Variants in GMCL1 observed in about 807,000 individuals in gnomAD.
The protein encoded by GMCL1 is germ cell-less protein-like 1.
A neutral mutation model predicts 75.5 loss-of-function variants in GMCL1; 54 were observed. The ratio of observed to expected loss-of-function variants is 0.71; its 90% CI spans 0.57 to 0.90. GMCL1 has a LOEUF of 0.90. Among genes scored for constraint, GMCL1 ranks in the 40% least tolerant of loss-of-function variants. GMCL1 has a pLI of 0.00. For missense variants in GMCL1, 537 were observed against 622.7 expected, an observed-to-expected ratio of 0.86 and a Z score of 1.47; for synonymous variants, 210 against 209.6, an observed-to-expected ratio of 1.00 and a Z score of -0.02.
At chr2:69,831,576 G>A (rs750213687) in intron 1 of GMCL1, among the ~76,000 whole-genome samples, 1 of 151,830 alleles carries the variant, frequency 6.6e-6, no homozygotes, top group East Asian at 1.9e-4. Flanking sequence ...TTTTTGAAGC[G>A]TCAGTGTAGC....
At chr2:69,859,491 A>C (rs1675577236) in intron 9 of GMCL1, among the ~76,000 whole-genome samples, 1 of 151,862 alleles carries the variant, frequency 6.6e-6, no homozygotes, top group Non-Finnish European at 1.5e-5. Context: ...AAAGATTCAA[A>C]AGTGTATTTA....
chr2:69,852,332 G>A (rs1328437505), intron 8 of GMCL1, among the ~76,000 whole-genome samples: 1 of 152,152 alleles, frequency 6.6e-6, no homozygotes, highest in Admixed American at 6.6e-5. Flanking sequence ...CAGCCCCTGA[G>A]GTGTGAAAGT....
intron 9 of GMCL1, among the ~76,000 whole-genome samples, chr2:69,858,975 G>A (rs890355549): frequency 1.3e-5 from 2 of 151,624 alleles, no homozygotes; most frequent in African/African-American, 2.4e-5. Context: ...GTGAAACTCC[G>A]TCTCTACTAA....
chr2:69,871,709 T>C (rs1359324825), intron 12 of GMCL1, 36 bp from the exon 13 acceptor site: 1 of 1,138,864 alleles, frequency 8.8e-7, no homozygotes, highest in South Asian at 1.4e-5. Flanking sequence ...GGTTTAAAAA[T>C]CTTGTGTTTA....
chr2:69,844,896 G>T, intron 6 of GMCL1: 1 of 334,084 alleles, frequency 3.0e-6, no homozygotes, highest in Non-Finnish European at 6.5e-6. Context: ...AGAGAAGTCT[G>T]TGGCCATGTC....
At chr2:69,871,915 T>C (rs1675993763) in intron 13 of GMCL1, 83 bp downstream of exon 13, 1 of 876,598 alleles carries the variant, frequency 1.1e-6, no homozygotes, top group African/African-American at 1.7e-5. Context: ...AGAATTAACA[T>C]TAAAGTGATG....
chr2:69,858,481 C>CAAACTCTTCCTAGTGTTTCTT (rs1305807711), intron 9 of GMCL1, among the ~76,000 whole-genome samples: 3 of 152,218 alleles, frequency 2.0e-5, no homozygotes, highest in African/African-American at 7.2e-5. Flanking sequence ...AGGGTTCTGG[C>CAAACTCTTCCTAGTGTTTCTT]AAACTCTTCC....
At chr2:69,874,792 A>G (rs1676078472) in intron 13 of GMCL1, among the ~76,000 whole-genome samples, 1 of 148,842 alleles carries the variant, frequency 6.7e-6, no homozygotes, top group Non-Finnish European at 1.5e-5. Context: ...CTCAGGCTGG[A>G]GTGCAATGGT....
chr2:69,831,171 A>G (rs1300148533), intron 1 of GMCL1, among the ~76,000 whole-genome samples: 2 of 152,154 alleles, frequency 1.3e-5, no homozygotes, highest in Non-Finnish European at 2.9e-5. Context: ...TGCTGGCCTC[A>G]GCCTCCCAAA....
At chr2:69,861,502 ATCAG>A (rs1675646918) in intron 10 of GMCL1, among the ~76,000 whole-genome samples, 155 bp downstream of exon 10, 1 of 152,222 alleles carries the variant, frequency 6.6e-6, no homozygotes, top group Non-Finnish European at 1.5e-5. Context: ...TTGCAACATT[ATCAG>A]TCTTATAAAT....
rs1035155972 is a variant in GMCL1 at position 69,844,373 on chromosome 2, G to T, written c.758+177G>T. The T allele has an allele frequency of 1.6e-5, 7 of 443,598 alleles. No individual in the cohort carries two copies. In the Admixed American group the frequency reaches 2.5e-4, roughly 16 times the overall value. The allele number at this position is 443,598 out of a possible 1,614,324, so 27.5% of individuals were successfully genotyped here. A position where few individuals can be genotyped will look rare whatever the true frequency, so the allele number is the denominator to read the frequency against. ...AAATGCTGTGCAAACTTATTTCTTT[G>T]TTGTGAATAATATAATGGATATTAT... On this transcript the variant is annotated intron_variant, in intron 6 of 13. Coordinates refer to ENST00000282570, the MANE Select transcript of GMCL1 (RefSeq NM_178439.5).
chr2:69,831,505 A>G (rs1034870105), intron 1 of GMCL1, among the ~76,000 whole-genome samples: 2 of 151,996 alleles, frequency 1.3e-5, no homozygotes, highest in African/African-American at 4.8e-5. Flanking sequence ...CGATCCTCCC[A>G]CCTAAGCCTC....
At chr2:69,861,472 A>G in intron 10 of GMCL1, 125 bp downstream of exon 10, 2 of 557,436 alleles carry the variant, frequency 3.6e-6, no homozygotes, top group Non-Finnish European at 6.4e-6. Context: ...AAGATCATAT[A>G]ATCACTTTTT....
rs70954364 is a variant in GMCL1 at position 69,854,120 on chromosome 2, GTATTATTATTATTAT to G, written c.935-687_935-673del. The stretch of plus-strand genomic sequence containing the variant: ...GCCCAGCCAAATTATTCTATTTTCA[GTATTATTATTATTAT>G]TATTATTATTATTATCATTATTACT... On this transcript the variant is annotated intron_variant, in intron 8 of 13. Coordinates refer to ENST00000282570, the MANE Select transcript of GMCL1 (RefSeq NM_178439.5). 5.1e-3 allele frequency among the ~76,000 whole-genome samples: 732 copies of G among 143,994 alleles called. 9 individuals carry two copies. The highest frequency in any genetic ancestry group is 0.05 in the East Asian group (243 of 4,896). The allele number at this position is 143,994 out of a possible 152,430, so 94.5% of individuals were successfully genotyped here.
intron 1 of GMCL1, among the ~76,000 whole-genome samples, chr2:69,834,546 C>T (rs920168904): frequency 9.9e-5 from 15 of 152,122 alleles, no homozygotes; most frequent in Non-Finnish European, 1.3e-4. Flanking sequence ...TCTTTGATGA[C>T]GCTGCTTCAT....
intron 8 of GMCL1, among the ~76,000 whole-genome samples, chr2:69,850,945 G>A (rs1487480920): frequency 6.6e-6 from 1 of 152,140 alleles, no homozygotes; most frequent in Non-Finnish European, 1.5e-5. Flanking sequence ...TAAAGAGATT[G>A]AATGACTCTT....
intron 1 of GMCL1, among the ~76,000 whole-genome samples, chr2:69,831,585 G>A (rs1259006818): frequency 4.6e-5 from 7 of 151,574 alleles, no homozygotes; most frequent in Non-Finnish European, 1.0e-4. Context: ...CGTCAGTGTA[G>A]CATAGTTTTT....
At chr2:69,858,383 A>G (rs1255263803) in intron 9 of GMCL1, among the ~76,000 whole-genome samples, 2 of 152,168 alleles carry the variant, frequency 1.3e-5, no homozygotes. Context: ...ACATATTACT[A>G]TTTAGTCAAA....
intron 10 of GMCL1, 41 bp from the exon 11 acceptor site, chr2:69,864,859 C>A: frequency 7.9e-7 from 1 of 1,268,420 alleles, no homozygotes; most frequent in Non-Finnish European, 1.1e-6. Flanking sequence ...TTATTAGTTG[C>A]ATATTTTCTA....
Sources: allele counts gnomAD v4.1 joint callset (sites outside exome capture counted in the v4.1 genomes callset), GRCh38; gene constraint gnomAD v4.1.1; transcripts MANE v1.5; gene names NCBI Gene and HGNC (gene_info 2026-07-23, HGNC 2026-07-21).